The following MACF1 variants were observed in gnomAD, a reference collection of about 807,000 sequenced individuals.
MACF1 encodes microtubule-actin cross-linking factor 1.
In MACF1, 193 loss-of-function variants were observed where a neutral mutation model predicts 854.8. The ratio of observed to expected loss-of-function variants is 0.23; its 90% CI spans 0.20 to 0.25. The LOEUF is 0.25. MACF1 is among the 10% of genes least tolerant of loss of function. The pLI is 1.00. For synonymous variants in MACF1, 3,185 were observed against 3,226.7 expected, an observed-to-expected ratio of 0.99 and a Z score of 0.44; for missense variants, 7,722 against 8,929.1, an observed-to-expected ratio of 0.86 and a Z score of 5.45.
At chr1:39,351,581 CTTTTTTTTTTTT>C (rs36123797) in intron 43 of MACF1, among the ~76,000 whole-genome samples, 1 of 85,918 alleles carries the variant, frequency 1.2e-5, no homozygotes, top group Admixed American at 1.4e-4. Flanking sequence ...AAGCAAATGG[CTTTTTTTTTTTT>C]TTTTTTTTTT....
chr1:39,437,922 T>G lies in MACF1; in HGVS notation c.18134T>G (p.Leu6045Arg). 6.2e-7 allele frequency: 1 copy of G among 1,614,156 alleles called. No individual in the cohort carries two copies. Among genetic ancestry groups the G allele is most frequent in the Non-Finnish European group, 8.5e-7 (1 of 1,180,016 alleles). ...AGTGCCACCGTGGAGCTAGAAAAAC[T>G]GCAGCCATCCTTTGAGGCCTTGAAG... ...NKSATVELEKLQPSFEALKRR... is the reference protein window; with the variant it reads ...NKSATVELEKRQPSFEALKRR... Residue 6045 changes from leucine (L) to arginine (R), a missense_variant, in exon 71 of 101, where the codon CTG (leucine) becomes CGG (arginine). Leu to Arg is a moderately radical substitution (Grantham distance 102, BLOSUM62 -2). Transcript: ENST00000564288.
chr1:39,189,755 T>G (rs1156413391), intron 2 of MACF1, among the ~76,000 whole-genome samples: 1 of 152,228 alleles, frequency 6.6e-6, no homozygotes, highest in Non-Finnish European at 1.5e-5. Flanking sequence ...TTCCATTCAC[T>G]GAGTTCTTAT....
intron 2 of MACF1, among the ~76,000 whole-genome samples, chr1:39,133,781 A>G (rs982353536): frequency 1.3e-5 from 2 of 152,198 alleles, no homozygotes; most frequent in African/African-American, 2.4e-5. Flanking sequence ...TTGCTGTACA[A>G]TACATCTCCA....
intron 2 of MACF1, among the ~76,000 whole-genome samples, chr1:39,231,664 G>T (rs1339121049): frequency 6.6e-6 from 1 of 151,362 alleles, no homozygotes; most frequent in Non-Finnish European, 1.5e-5. Context: ...TTTATTCCTA[G>T]CTTTATACAT....
rs1643956332 is a variant in MACF1 at position 39,435,552 on chromosome 1, A to G, written c.17785-6A>G. On this transcript the variant is annotated splice_region_variant and splice_polypyrimidine_tract_variant and intron_variant, in intron 69 of 100. Coordinates refer to ENST00000564288, the MANE Select transcript of MACF1 (RefSeq NM_001394062.1). ...CTCATTATGGTTTAATTCTTTTTTT[A>G]CCTAGCAATTAAGGGAATCTATTGC... is the stretch of plus-strand genomic sequence containing the variant. 1.2e-6 allele frequency: 2 copies of G among 1,607,204 alleles called. No individual in the cohort carries two copies. Among genetic ancestry groups the G allele is most frequent in the Admixed American group, 3.4e-5 (2 of 59,440 alleles).
At chr1:39,299,419 C>T (rs544429382) in intron 21 of MACF1, among the ~76,000 whole-genome samples, 322 of 152,194 alleles carry the variant, frequency 2.1e-3, no homozygotes, top group Non-Finnish European at 3.7e-3. Flanking sequence ...TTGAAACATC[C>T]GGGTTAATGG....
At position 39,334,808 on chromosome 1, in the gene MACF1, G is replaced by A. The variant is rs1427989236; in HGVS notation, c.8220G>A (p.Val2740=). 9 of 1,613,968 alleles carry A rather than the reference G, an allele frequency of 5.6e-6. No individual in the cohort carries two copies. In the Admixed American group the frequency reaches 1.3e-4, roughly 24 times the overall value. The change falls in exon 37 of 101, where the codon GTG becomes GTA. Residue 2740 remains valine, a synonymous_variant. Coordinates refer to ENST00000564288, the MANE Select transcript of MACF1 (RefSeq NM_001394062.1). ...TTGACATATTTAGTGATCAGAGAGT[G>A]ACTTTAGTAGAAGCTATTGAGAAAA... ...GIVDIFSDQR[V]TLVEAIEKRL...
intron 31 of MACF1, among the ~76,000 whole-genome samples, chr1:39,320,627 G>A (rs1445124822): frequency 1.3e-5 from 2 of 152,116 alleles, no homozygotes; most frequent in African/African-American, 2.4e-5. Context: ...TTATAAGGCC[G>A]TGAATGATTT....
At chr1:39,250,691 C>A (rs1375180304) in intron 3 of MACF1, among the ~76,000 whole-genome samples, 5 of 151,680 alleles carry the variant, frequency 3.3e-5, no homozygotes, top group Admixed American at 6.6e-5. Flanking sequence ...ATCTGGGCTC[C>A]TTGATTAATT....
chr1:39,165,286 C>G (rs556210269), intron 2 of MACF1, among the ~76,000 whole-genome samples: 6 of 152,306 alleles, frequency 3.9e-5, no homozygotes, highest in African/African-American at 1.4e-4. Context: ...ATCTGGAAGT[C>G]TGCATGCTTC....
At chr1:39,363,850 G>A (rs1569715551) in intron 49 of MACF1, among the ~76,000 whole-genome samples, 1 of 152,058 alleles carries the variant, frequency 6.6e-6, no homozygotes, top group African/African-American at 2.4e-5. Context: ...GACCTCAAGT[G>A]ATCTGCCCGC....
intron 2 of MACF1, among the ~76,000 whole-genome samples, chr1:39,177,923 A>G (rs1020076849): frequency 2.0e-5 from 3 of 152,072 alleles, no homozygotes; most frequent in African/African-American, 7.2e-5. Flanking sequence ...TCCCCATTGA[A>G]TAAGTAAAAT....
At chr1:39,482,103 C>T (rs963260674) in intron 99 of MACF1, among the ~76,000 whole-genome samples, 2 of 152,072 alleles carry the variant, frequency 1.3e-5, no homozygotes, top group African/African-American at 4.8e-5. Flanking sequence ...TAAATCAGGG[C>T]TTTTGTTCTG....
intron 40 of MACF1, among the ~76,000 whole-genome samples, chr1:39,341,648 A>G (rs1646938221): frequency 1.3e-5 from 2 of 151,996 alleles, no homozygotes; most frequent in African/African-American, 2.4e-5. Flanking sequence ...CAGTGAGCCA[A>G]GACCGCGCCA....
chr1:39,283,335 C>T lies in MACF1; in HGVS notation c.808+34C>T, dbSNP rs1237675914. On this transcript the variant is annotated intron_variant, in intron 8 of 100. Coordinates refer to ENST00000564288, the MANE Select transcript of MACF1 (RefSeq NM_001394062.1). This position sits in a 1 kb window ranked among gnomAD's most constrained non-coding sequence, Gnocchi z 4.5. ...GAGTTTACTGAACTTGAGTAAGGAA[C>T]ACGTATTCAGTATTCCTTCTTCTGG... 1.9e-6 allele frequency: 3 copies of T among 1,576,594 alleles called. No individual in the cohort carries two copies. The highest frequency in any genetic ancestry group is 2.7e-5 in the African/African-American group (2 of 74,202).
intron 2 of MACF1, among the ~76,000 whole-genome samples, chr1:39,248,509 G>C (rs2484758): frequency 0.88 from 133,841 of 151,918 alleles, 60,154 homozygotes; most frequent in Non-Finnish European, 0.97. Flanking sequence ...CTGGCCTCCT[G>C]CTCTACTTTC....
Position 39,340,514 on chromosome 1 carries a change from G to T in MACF1, c.10228G>T (p.Glu3410Ter), listed in dbSNP as rs754413545. The change falls in exon 39 of 101, where the codon GAG becomes TAG. Residue 3410 changes from glutamate (E) to a stop codon, truncating the protein, a stop_gained. Coordinates refer to ENST00000564288, the MANE Select transcript of MACF1 (RefSeq NM_001394062.1). LOFTEE classifies it high-confidence loss of function. ...LLCQAKVLER[E>*]LKDLTTLVSQ... ...TTTATTCCCTCAGGTATTAGAAAGG[G>T]AGTTAAAGGATCTGACCACCTTGGT... 6.2e-7 allele frequency: 1 copy of T among 1,612,610 alleles called. No individual in the cohort carries two copies. Among genetic ancestry groups the T allele is most frequent in the South Asian group, 1.1e-5 (1 of 91,030 alleles).
chr1:39,105,425 C>G lies in MACF1; in HGVS notation c.220+20987C>G. The G allele has an allele frequency of 1.0e-6, 1 of 987,774 alleles. No individual in the cohort carries two copies. The highest frequency in any genetic ancestry group is 1.2e-6 in the Non-Finnish European group (1 of 832,596). The allele number at this position is 987,774 out of a possible 1,614,324, so 61.2% of individuals were successfully genotyped here. A position where few individuals can be genotyped will look rare whatever the true frequency, so the allele number is the denominator to read the frequency against. ...AACGCGAGCCGGGACCGGCGGAGCG[C>G]GAGCGGGCCGGGTGCGAGCGGACTG... On this transcript the variant is annotated intron_variant, in intron 2 of 93. Transcript: ENST00000361689. The surrounding 1 kb of genome is among the most constrained non-coding windows in gnomAD (Gnocchi z 5.9).
In MACF1 at chr1:39,353,096, G is replaced by A; in HGVS notation, c.11289G>A (p.Gln3763=). Residue 3763 remains glutamine (Q), a synonymous_variant, in exon 44 of 101, where the codon CAG becomes CAA. Transcript: ENST00000564288. Reference sequence around the variant, plus strand: ...CTTCAGTAGGATCATCTGGTGGACAGCTGCTGACCAACCTTCCAGGAATGG... The same window carrying A: ...CTTCAGTAGGATCATCTGGTGGACAACTGCTGACCAACCTTCCAGGAATGG... The part of the protein sequence containing the change: ...WVTSVGSSGG[Q]LLTNLPGMEQ... The A allele has an allele frequency of 6.2e-7, 1 of 1,614,180 alleles. No homozygotes were observed. Among genetic ancestry groups the A allele is most frequent in the Non-Finnish European group, 8.5e-7 (1 of 1,180,026 alleles).
Sources: allele counts gnomAD v4.1 joint callset (sites outside exome capture counted in the v4.1 genomes callset), GRCh38; gene constraint gnomAD v4.1.1; non-coding constraint Gnocchi (gnomAD v3.1); transcripts MANE v1.5; gene names NCBI Gene and HGNC (gene_info 2026-07-23, HGNC 2026-07-21).